The following CDH2 variants were observed in gnomAD, a reference collection of about 807,000 sequenced individuals.
CDH2 encodes cadherin 2.
In CDH2, 17 loss-of-function variants were observed where a neutral mutation model predicts 92.0. The ratio of observed to expected loss-of-function variants is 0.18; its 90% CI spans 0.13 to 0.28. The LOEUF is 0.28. CDH2 is among the 10% of genes least tolerant of loss of function. The probability of loss-of-function intolerance (pLI) is 1.00; values close to 1 mark genes in which losing one functional copy is unlikely to be tolerated. For synonymous variants in CDH2, 419 were observed against 415.9 expected (o/e 1.01, Z -0.09); for missense variants, 862 against 1,133.1 (o/e 0.76, Z 3.44).
intron 7 of CDH2, among the ~76,000 whole-genome samples, chr18:27,995,961 G>C (rs1337124798): frequency 2.0e-5 from 3 of 152,100 alleles, no homozygotes; most frequent in African/African-American, 7.2e-5. Context: ...TTGGTCATTG[G>C]GCATCTGGCT....
At chr18:28,058,189 TG>T (rs2014332750) in intron 2 of CDH2, among the ~76,000 whole-genome samples, 2 of 152,244 alleles carry the variant, frequency 1.3e-5, no homozygotes, top group African/African-American at 4.8e-5. Flanking sequence ...TAAAACCTCA[TG>T]TATCACCCAT....
At chr18:28,171,966 C>G (rs920029502) in intron 1 of CDH2, among the ~76,000 whole-genome samples, 2 of 152,102 alleles carry the variant, frequency 1.3e-5, no homozygotes, top group Non-Finnish European at 2.9e-5. Flanking sequence ...CCTAAACCAC[C>G]TTTCATGACA....
chr18:27,950,815 C>T (rs955785302), downstream of CDH2, among the ~76,000 whole-genome samples: 46 of 152,306 alleles, frequency 3.0e-4, no homozygotes, highest in African/African-American at 1.1e-3. Flanking sequence ...ATTCTCTCTG[C>T]TGCACACCGT....
chr18:28,083,279 T>C (rs1009419699), intron 2 of CDH2, among the ~76,000 whole-genome samples: 5 of 152,058 alleles, frequency 3.3e-5, no homozygotes, highest in Non-Finnish European at 7.4e-5. Context: ...AAGATACTAA[T>C]AGACAAATAG....
chr18:28,142,723 A>G (rs2015974813), intron 2 of CDH2, among the ~76,000 whole-genome samples: 1 of 152,016 alleles, frequency 6.6e-6, no homozygotes, highest in Non-Finnish European at 1.5e-5. Context: ...CGTAAAGTGC[A>G]AGGGCCTGGC....
intron 15 of CDH2, among the ~76,000 whole-genome samples, chr18:27,953,580 G>A (rs1263239020): frequency 6.6e-6 from 1 of 152,096 alleles, no homozygotes; most frequent in African/African-American, 2.4e-5. Flanking sequence ...CGCATACATG[G>A]GTTTTTATGA....
intron 15 of CDH2, among the ~76,000 whole-genome samples, chr18:27,961,274 G>A (rs1181768890): frequency 6.6e-6 from 1 of 151,104 alleles, no homozygotes; most frequent in Non-Finnish European, 1.5e-5. Flanking sequence ...TAACATACTA[G>A]ATGTTTAAGT....
At chr18:28,160,215 T>C (rs921675968) in intron 1 of CDH2, among the ~76,000 whole-genome samples, 5 of 150,556 alleles carry the variant, frequency 3.3e-5, no homozygotes, top group Admixed American at 6.6e-5. Flanking sequence ...GATCCTAGAA[T>C]AGAAAAGAGG....
At chr18:28,169,727 C>T (rs937253773) in intron 1 of CDH2, among the ~76,000 whole-genome samples, 4 of 152,148 alleles carry the variant, frequency 2.6e-5, no homozygotes, top group African/African-American at 9.7e-5. Context: ...GATCAAACAT[C>T]TCTGCATTAT....
intron 14 of CDH2, among the ~76,000 whole-genome samples, chr18:27,980,431 G>A (rs780714466): frequency 1.3e-5 from 2 of 152,194 alleles, no homozygotes; most frequent in South Asian, 2.1e-4. Context: ...TGGAAATGAG[G>A]ATAAGTGAAT....
rs142400616 is a variant in CDH2, at chr18:27,975,344, T to A, written c.2349+7600A>T. The stretch of plus-strand genomic sequence containing the variant: ...CTCCTTTGCCCAGCATCAGCTTCAG[T>A]CTCTCACAAGTTAACTCTGCCTGAC... On this transcript the variant is annotated intron_variant, in intron 14 of 15. Coordinates refer to ENST00000269141, the MANE Select transcript of CDH2 (RefSeq NM_001792.5). 2.2e-4 allele frequency among the ~76,000 whole-genome samples: 33 copies of A among 152,316 alleles called. 1 individual carries two copies. In the East Asian group the frequency reaches 5.6e-3, roughly 26 times the overall value.
chr18:28,088,758 T>G (rs910583825), intron 2 of CDH2, among the ~76,000 whole-genome samples: 1 of 152,098 alleles, frequency 6.6e-6, no homozygotes, highest in African/African-American at 2.4e-5. Flanking sequence ...GCAAGTCAAG[T>G]GTTGCTAAAC....
chr18:28,068,506 T>C (rs532382841), intron 2 of CDH2, among the ~76,000 whole-genome samples: 105 of 152,302 alleles, frequency 6.9e-4, no homozygotes, highest in African/African-American at 2.5e-3. Context: ...TGTTCCTAGC[T>C]AGTACAAAAC....
chr18:28,133,787 A>G (rs574762563), intron 2 of CDH2, among the ~76,000 whole-genome samples: 3 of 152,120 alleles, frequency 2.0e-5, no homozygotes, highest in African/African-American at 7.2e-5. Context: ...TGCCTAATCA[A>G]CTGCTGGCCA....
At position 27,985,177 on chromosome 18, in the gene CDH2, C is replaced by G. The variant is rs1240227564; in HGVS notation, c.2032G>C (p.Val678Leu). The change falls in exon 13 of 16, where the codon GTT becomes CTT. Residue 678 changes from valine to leucine, a missense_variant. Coordinates refer to ENST00000269141, the MANE Select transcript of CDH2 (RefSeq NM_001792.5). ...CCCGAATCTGTGATTATGATGGGAA[C>G]TTCATAGATACCAGCTTCAAGAAAT... ...IKFLEAGIYE[V>L]PIIITDSGNP... is the part of the protein sequence containing the mutation. The G allele has an allele frequency of 6.2e-7, 1 of 1,613,634 alleles. No homozygotes were observed. The highest frequency in any genetic ancestry group is 2.2e-5 in the East Asian group (1 of 44,872).
At chr18:28,062,335 C>G (rs1442790931) in intron 2 of CDH2, among the ~76,000 whole-genome samples, 2 of 152,114 alleles carry the variant, frequency 1.3e-5, no homozygotes, top group Non-Finnish European at 2.9e-5. Flanking sequence ...AACAATCTGT[C>G]AATTTTCCAA....
Position 28,152,119 on chromosome 18 carries a change from C to T in CDH2, c.61-4335G>A, listed in dbSNP as rs17495126. 3.3e-3 allele frequency among the ~76,000 whole-genome samples: 497 copies of T among 152,254 alleles called. 3 individuals carry two copies. The highest frequency in any genetic ancestry group is 0.011 in the African/African-American group (457 of 41,544). On this transcript the variant is annotated intron_variant, in intron 1 of 15. Transcript: ENST00000269141. ...GATCCCTCGAATAGTGTGTTAAGTT[C>T]CGTATCACATTGTTATCTCACTTCA...
intron 1 of CDH2, among the ~76,000 whole-genome samples, chr18:28,169,554 G>A (rs1157387219): frequency 6.6e-6 from 1 of 151,786 alleles, no homozygotes; most frequent in Non-Finnish European, 1.5e-5. Context: ...AGAAAATCTG[G>A]GCATACATGT....
chr18:28,177,121 G>T lies in CDH2; in HGVS notation c.-99C>A. 1 of 845,632 alleles carries T rather than the reference G, an allele frequency of 1.2e-6. No individual in the cohort carries two copies. The highest frequency in any genetic ancestry group is 1.7e-5 in the South Asian group (1 of 58,856). 52.4% of individuals were successfully genotyped at this position (845,632 alleles called of 1,614,324 possible). A position where few individuals can be genotyped will look rare whatever the true frequency, so the allele number is the denominator to read the frequency against. On this transcript the variant is annotated 5_prime_UTR_variant, in exon 1 of 16. Transcript: ENST00000269141. ...CAGCGGCAGCACCAACAGCGGCGCGGAGAAACGGCTCCAGGCAGTTTCCAC... is the reference window on the plus strand; with the variant it reads ...CAGCGGCAGCACCAACAGCGGCGCGTAGAAACGGCTCCAGGCAGTTTCCAC...
Sources: allele counts gnomAD v4.1 joint callset (sites outside exome capture counted in the v4.1 genomes callset), GRCh38; gene constraint gnomAD v4.1.1; transcripts MANE v1.5; gene names NCBI Gene and HGNC (gene_info 2026-07-23, HGNC 2026-07-21).